Variants in ZNF608 observed in about 807,000 individuals in gnomAD.
The protein encoded by ZNF608 is zinc finger protein 608.
A neutral mutation model predicts 109.0 loss-of-function variants in ZNF608; 12 were observed. That is an observed-to-expected ratio of 0.11 (90% CI 0.07 to 0.18). The LOEUF is 0.18. ZNF608 is among the 10% of genes least tolerant of loss of function. The probability of loss-of-function intolerance (pLI) is 1.00; values close to 1 mark genes in which losing one functional copy is unlikely to be tolerated. For missense variants in ZNF608, 1,707 were observed against 1,879.3 expected (o/e 0.91, Z 1.70); for synonymous variants, 732 against 717.4 (o/e 1.02, Z -0.33).
intron 2 of ZNF608, among the ~76,000 whole-genome samples, chr5:124,729,985 C>T (rs192250304): frequency 8.8e-4 from 134 of 152,344 alleles, no homozygotes; most frequent in African/African-American, 3.2e-3. Context: ...GCAACTACAC[C>T]TCACTGCACA....
intron 3 of ZNF608, among the ~76,000 whole-genome samples, chr5:124,688,866 G>C (rs7706557): frequency 2.7e-4 from 41 of 152,058 alleles, no homozygotes; most frequent in African/African-American, 9.7e-4. Context: ...AAATGCTTGT[G>C]TTTTAATGTT....
At chr5:124,640,490 GC>G (rs368224031) in intron 8 of ZNF608, among the ~76,000 whole-genome samples, 123 of 152,258 alleles carry the variant, frequency 8.1e-4, no homozygotes, top group African/African-American at 2.9e-3. Flanking sequence ...AGGAAGAGAG[GC>G]CTGAGCAGAC....
chr5:124,668,431 G>A (rs1751577699), intron 3 of ZNF608, among the ~76,000 whole-genome samples: 1 of 151,070 alleles, frequency 6.6e-6, no homozygotes, highest in African/African-American at 2.4e-5. Context: ...AAGCACAAAA[G>A]AATCTTGGAG....
chr5:124,692,335 T>C (rs917532742), intron 3 of ZNF608, among the ~76,000 whole-genome samples: 11 of 152,244 alleles, frequency 7.2e-5, no homozygotes, highest in Admixed American at 3.9e-4. Context: ...GTTCCACGAA[T>C]TTATTCAACA....
intron 2 of ZNF608, among the ~76,000 whole-genome samples, chr5:124,717,527 C>G (rs899788266): frequency 6.6e-6 from 1 of 152,120 alleles, no homozygotes; most frequent in Non-Finnish European, 1.5e-5. Context: ...CTGATTTAAC[C>G]ATTTCTTTGC....
At chr5:124,655,921 A>G (rs1750985233) in intron 3 of ZNF608, among the ~76,000 whole-genome samples, 1 of 152,272 alleles carries the variant, frequency 6.6e-6, no homozygotes, top group Admixed American at 6.5e-5. Flanking sequence ...AAGGTTGCTC[A>G]TAAAATACCT....
chr5:124,709,763 G>C (rs1326748327), intron 2 of ZNF608, among the ~76,000 whole-genome samples: 1 of 152,164 alleles, frequency 6.6e-6, no homozygotes, highest in Non-Finnish European at 1.5e-5. Context: ...AGAGTTCTCT[G>C]ATTTCCTCTC....
upstream of ZNF608, chr5:124,746,738 G>T: frequency 4.1e-6 from 4 of 985,128 alleles, no homozygotes; most frequent in Non-Finnish European, 4.8e-6. Flanking sequence ...TGTTAGTCGG[G>T]AAGTGGCATT....
intron 3 of ZNF608, among the ~76,000 whole-genome samples, chr5:124,683,602 T>C (rs912668762): frequency 2.6e-5 from 4 of 152,122 alleles, no homozygotes; most frequent in African/African-American, 4.8e-5. Flanking sequence ...TTCCGGAAAG[T>C]AGAAATTGGG....
rs1298122643 is a variant in ZNF608 at position 124,689,478 on chromosome 5, A to AG, written c.1162+11535_1162+11536insC. On this transcript the variant is annotated intron_variant, in intron 3 of 9. Transcript: ENST00000513986. ...AGACCCTGTCCCTCAAAAAAAAAAA[A>AG]AGAGAGAGACAGAGAGAGAAAGAAC... Among the ~76,000 whole-genome samples, 386 of 144,088 alleles carry AG rather than the reference A, an allele frequency of 2.7e-3. 3 individuals are homozygous for AG. Among genetic ancestry groups the AG allele is most frequent in the African/African-American group, 8.7e-3 (337 of 38,704 alleles). 94.5% of individuals were successfully genotyped at this position (144,088 alleles called of 152,430 possible). A position where few individuals can be genotyped will look rare whatever the true frequency, so the allele number is the denominator to read the frequency against.
At chr5:124,731,518 AC>A (rs2149892608) in intron 2 of ZNF608, among the ~76,000 whole-genome samples, 1 of 152,008 alleles carries the variant, frequency 6.6e-6, no homozygotes, top group South Asian at 2.1e-4. Flanking sequence ...GCCAACTGAC[AC>A]AAGATTTAAA....
intron 2 of ZNF608, among the ~76,000 whole-genome samples, chr5:124,721,402 G>C (rs888971497): frequency 6.6e-6 from 1 of 152,114 alleles, no homozygotes; most frequent in Non-Finnish European, 1.5e-5. Context: ...GCGCTGGGGA[G>C]ATAAAAACAA....
chr5:124,704,573 T>A (rs1165598554), intron 2 of ZNF608, among the ~76,000 whole-genome samples: 1 of 152,206 alleles, frequency 6.6e-6, no homozygotes, highest in African/African-American at 2.4e-5. Context: ...TGTTACTTTT[T>A]AAAACATTCC....
At chr5:124,681,556 C>T (rs1419115649) in intron 3 of ZNF608, among the ~76,000 whole-genome samples, 1 of 152,072 alleles carries the variant, frequency 6.6e-6, no homozygotes, top group Non-Finnish European at 1.5e-5. Context: ...CTTTAAACTC[C>T]TAGGAAGATC....
chr5:124,694,335 T>C (rs75684190), intron 3 of ZNF608, among the ~76,000 whole-genome samples: 5,452 of 151,756 alleles, frequency 0.036, 179 homozygotes, highest in East Asian at 0.12. Context: ...AGTTTTGTTG[T>C]TTATTATGTA....
At chr5:124,642,146 C>T (rs1750270844) in intron 7 of ZNF608, among the ~76,000 whole-genome samples, 1 of 152,254 alleles carries the variant, frequency 6.6e-6, no homozygotes, top group Non-Finnish European at 1.5e-5. Context: ...GGTAGACTCA[C>T]ACACATTGCA....
In ZNF608 at chr5:124,688,011, T is replaced by C. The variant is rs1409040015; in HGVS notation, c.1162+13003A>G. ...AACAAATCATGAGACGCAAAATGCTTTCTAGAAAATCCTGTCCTTCATCCT... is the reference window on the plus strand; with the variant it reads ...AACAAATCATGAGACGCAAAATGCTCTCTAGAAAATCCTGTCCTTCATCCT... On this transcript the variant is annotated intron_variant, in intron 3 of 9. Transcript: ENST00000513986. 3.3e-5 allele frequency among the ~76,000 whole-genome samples: 5 copies of C among 152,142 alleles called. No homozygotes were observed. The East Asian group carries it at 9.6e-4, about 29-fold the overall frequency.
intron 2 of ZNF608, among the ~76,000 whole-genome samples, chr5:124,719,615 T>C (rs925202750): frequency 2.0e-5 from 3 of 152,234 alleles, no homozygotes; most frequent in African/African-American, 7.2e-5. Context: ...CTAAGTCAGT[T>C]ACTTAATTCA....
chr5:124,735,161 T>G (rs1228898428), intron 2 of ZNF608: 1 of 152,254 alleles, frequency 6.6e-6, no homozygotes, highest in Non-Finnish European at 1.5e-5. Flanking sequence ...GATGTGTGCG[T>G]GCAAGTAAAA....
Sources: gnomAD v4.1 joint callset for allele counts (sites outside exome capture counted in the v4.1 genomes callset) on GRCh38, gnomAD v4.1.1 for gene constraint, MANE v1.5 for transcripts, NCBI Gene and HGNC (gene_info 2026-07-23, HGNC 2026-07-21) for gene names.